Variants in SGCD observed in about 807,000 individuals in gnomAD.
SGCD encodes sarcoglycan delta.
A neutral mutation model predicts 36.6 loss-of-function variants in SGCD; 18 were observed. That is an observed-to-expected ratio of 0.49 (90% confidence interval 0.34 to 0.73). The LOEUF (loss-of-function observed/expected upper bound fraction) is 0.73, where lower values mean the gene tolerates loss of function less well. Ranked by LOEUF, SGCD falls within the 30% of genes least tolerant of loss-of-function variation. SGCD has a pLI of 0.01. For missense variants in SGCD, 387 were observed against 346.7 expected, an observed-to-expected ratio of 1.12 and a Z score of -0.92; for synonymous variants, 133 against 130.6, an observed-to-expected ratio of 1.02 and a Z score of -0.12.
chr5:156,088,202 C>A (rs1378940294), intron 1 of SGCD, among the ~76,000 whole-genome samples: 1 of 151,948 alleles, frequency 6.6e-6, no homozygotes, highest in Admixed American at 6.6e-5. Context: ...TTTGAAGAAA[C>A]CTGTTTTTAT....
intron 7 of SGCD, among the ~76,000 whole-genome samples, chr5:156,719,415 C>G (rs1050183169): frequency 1.2e-4 from 18 of 152,060 alleles, no homozygotes; most frequent in African/African-American, 2.4e-4. Flanking sequence ...CACACACACA[C>G]AGAGAAACAT....
intron 1 of SGCD, among the ~76,000 whole-genome samples, chr5:155,943,563 A>T (rs570402404): frequency 6.6e-6 from 1 of 152,230 alleles, no homozygotes; most frequent in Admixed American, 6.5e-5. Flanking sequence ...AATAATTTGC[A>T]TAGAAGGGAA....
chr5:155,975,282 A>T (rs947538243), intron 1 of SGCD, among the ~76,000 whole-genome samples: 4 of 152,172 alleles, frequency 2.6e-5, no homozygotes, highest in Non-Finnish European at 5.9e-5. Context: ...AGGGTGATTA[A>T]ATAACTTGCC....
chr5:156,750,991 A>G (rs1290116690), intron 7 of SGCD, among the ~76,000 whole-genome samples: 2 of 152,222 alleles, frequency 1.3e-5, no homozygotes, highest in Admixed American at 1.3e-4. Context: ...CCAAATTCCA[A>G]AAGAATTTCC....
chr5:155,755,505 A>G, the SGCD span, among the ~76,000 whole-genome samples: 1 of 152,170 alleles, frequency 6.6e-6, no homozygotes. Context: ...AAATCAGAAT[A>G]TTACCCAGCA....
chr5:156,692,483 T>G (rs1423981748), intron 7 of SGCD, among the ~76,000 whole-genome samples: 1 of 152,206 alleles, frequency 6.6e-6, no homozygotes, highest in African/African-American at 2.4e-5. Flanking sequence ...TTTTTAACCT[T>G]TTATTATAGA....
At chr5:156,536,276 G>A (rs149210008) in intron 4 of SGCD, among the ~76,000 whole-genome samples, 340 of 152,232 alleles carry the variant, frequency 2.2e-3, no homozygotes, top group African/African-American at 8.1e-3. Flanking sequence ...AAGTACTTAG[G>A]CATTGGTCTC....
the SGCD span, among the ~76,000 whole-genome samples, chr5:155,851,697 C>T: frequency 1.3e-5 from 2 of 152,180 alleles, no homozygotes; most frequent in African/African-American, 4.8e-5. Context: ...TTTCCAAATA[C>T]ATACATCATC....
intron 3 of SGCD, among the ~76,000 whole-genome samples, chr5:156,429,316 C>A (rs1429226627): frequency 1.6e-5 from 2 of 125,218 alleles, no homozygotes; most frequent in Non-Finnish European, 3.3e-5. Flanking sequence ...TTTGTCTGAT[C>A]TAAAAATAGC....
intron 3 of SGCD, among the ~76,000 whole-genome samples, chr5:156,284,809 G>T (rs1561600221): frequency 6.6e-6 from 1 of 152,162 alleles, no homozygotes; most frequent in Non-Finnish European, 1.5e-5. Flanking sequence ...CATAGTGTTG[G>T]AAGTTCTGGC....
the SGCD span, among the ~76,000 whole-genome samples, chr5:155,824,322 C>T: frequency 6.6e-6 from 1 of 152,030 alleles, no homozygotes; most frequent in Non-Finnish European, 1.5e-5. Context: ...CATCTACCTC[C>T]TAGGGCTTTG....
In SGCD at chr5:155,983,457, G is replaced by A. The variant is rs143348754; in HGVS notation, c.-282+113033G>A. 3.1e-3 allele frequency among the ~76,000 whole-genome samples: 470 copies of A among 152,216 alleles called. 3 individuals carry two copies. Among genetic ancestry groups the A allele is most frequent in the African/African-American group, 9.7e-3 (405 of 41,548 alleles). ...CGGGATAACAGGTGCACGCCACCATGCCCAACTAATTTTTGTATTTTTAGT... is the reference window on the plus strand; with the variant it reads ...CGGGATAACAGGTGCACGCCACCATACCCAACTAATTTTTGTATTTTTAGT... On this transcript the variant is annotated intron_variant, in intron 1 of 9. Coordinates refer to the SGCD transcript ENST00000517913.
chr5:156,600,241 T>C (rs760339584), intron 6 of SGCD, among the ~76,000 whole-genome samples: 12 of 152,186 alleles, frequency 7.9e-5, no homozygotes, highest in African/African-American at 1.2e-4. Context: ...TCCTGCACAA[T>C]AGAACACCAG....
chr5:156,558,089 A>ATG (rs1491422181), intron 4 of SGCD, among the ~76,000 whole-genome samples: 168 of 4,368 alleles, frequency 0.038, 1 homozygote, highest in African/African-American at 0.13. Flanking sequence ...GTAAATACAA[A>ATG]TATATATATA....
chr5:156,542,310 C>G (rs1028851674), intron 4 of SGCD, among the ~76,000 whole-genome samples: 22 of 152,188 alleles, frequency 1.4e-4, no homozygotes, highest in African/African-American at 4.8e-4. Context: ...TATAAAACCC[C>G]ACCACTCTTT....
At chr5:156,451,675 T>A (rs6889700) in intron 3 of SGCD, among the ~76,000 whole-genome samples, 493 of 152,310 alleles carry the variant, frequency 3.2e-3, no homozygotes, top group African/African-American at 0.011. Flanking sequence ...ATGAAATATT[T>A]GCTAAATCCT....
Position 156,655,446 on chromosome 5 carries a change from C to CT in SGCD, c.575+7917dup, listed in dbSNP as rs536956570. Among the ~76,000 whole-genome samples, 295 of 152,080 alleles carry CT rather than the reference C, an allele frequency of 1.9e-3. 2 individuals carry two copies. Among genetic ancestry groups the CT allele is most frequent in the South Asian group, 0.018 (87 of 4,822 alleles). On this transcript the variant is annotated intron_variant, in intron 7 of 8. Coordinates refer to ENST00000337851, the MANE Select transcript of SGCD (RefSeq NM_000337.6). ...CTTTGCTACAGTTTTGGTTCATTGC[C>CT]TTTTTTTGGTTTGTTTTCAGAGTTA...
At chr5:156,149,959 C>T (rs893446049) in intron 3 of SGCD, among the ~76,000 whole-genome samples, 3 of 152,284 alleles carry the variant, frequency 2.0e-5, no homozygotes, top group South Asian at 2.1e-4. Context: ...CCTTTTTAGC[C>T]TCCTAATTGG....
At chr5:156,698,583 C>G (rs991293331) in intron 7 of SGCD, among the ~76,000 whole-genome samples, 1 of 152,174 alleles carries the variant, frequency 6.6e-6, no homozygotes, top group African/African-American at 2.4e-5. Flanking sequence ...CTCTGTGCAT[C>G]TCTAGCAATG....
Sources: allele counts gnomAD v4.1 joint callset (sites outside exome capture counted in the v4.1 genomes callset), GRCh38; gene constraint gnomAD v4.1.1; transcripts MANE v1.5; gene names NCBI Gene and HGNC (gene_info 2026-07-23, HGNC 2026-07-21).